The following GABBR2 variants were observed in gnomAD, a reference collection of about 807,000 sequenced individuals.
GABBR2 encodes G-protein coupled receptor 51.
A neutral mutation model predicts 105.6 loss-of-function variants in GABBR2; 23 were observed. The ratio of observed to expected loss-of-function variants is 0.22; its 90% confidence interval spans 0.16 to 0.31. The LOEUF (loss-of-function observed/expected upper bound fraction) is 0.31. Ranked by LOEUF, GABBR2 falls within the 10% of genes least tolerant of loss-of-function variation. The pLI is 1.00. For synonymous variants in GABBR2, 478 were observed against 499.7 expected (o/e 0.96, Z 0.58); for missense variants, 734 against 1,245.5 (o/e 0.59, Z 6.18).
chr9:98,578,684 G>A (rs1032278779), intron 1 of GABBR2, among the ~76,000 whole-genome samples: 6 of 152,164 alleles, frequency 3.9e-5, no homozygotes, highest in Non-Finnish European at 7.3e-5. Context: ...TATCATTCAT[G>A]ATAGCCAACA....
rs145553699 is a variant in GABBR2 at position 98,573,998 on chromosome 9, C to T, written c.459+3937G>A. Among the ~76,000 whole-genome samples, 503 of 152,044 alleles carry T rather than the reference C, an allele frequency of 3.3e-3. 1 individual carries two copies. The highest frequency in any genetic ancestry group is 6.8e-3 in the Middle Eastern group (2 of 294). ...AGAAATAATTAATTTACTTTTTGAG[C>T]GGGGAATGGGCGGCACTGAAGGAAA... On this transcript the variant is annotated intron_variant, in intron 2 of 18. Transcript: ENST00000259455.
chr9:98,324,374 G>A (rs1830880980), intron 13 of GABBR2, among the ~76,000 whole-genome samples: 1 of 152,286 alleles, frequency 6.6e-6, no homozygotes, highest in South Asian at 2.1e-4. Flanking sequence ...CTGGCCCCAG[G>A]ACTGTGACAT....
chr9:98,555,196 T>C (rs898947664), intron 2 of GABBR2, among the ~76,000 whole-genome samples: 3 of 152,228 alleles, frequency 2.0e-5, no homozygotes, highest in African/African-American at 7.2e-5. Context: ...CAGGGCCTTT[T>C]AATTTACAAA....
At chr9:98,614,252 G>A (rs1214909013) in intron 1 of GABBR2, among the ~76,000 whole-genome samples, 2 of 152,272 alleles carry the variant, frequency 1.3e-5, no homozygotes, top group Admixed American at 6.5e-5. Context: ...GGCTGGGCGC[G>A]GTGGCTCACG....
chr9:98,649,723 T>C (rs1303861230), intron 1 of GABBR2, among the ~76,000 whole-genome samples: 1 of 152,108 alleles, frequency 6.6e-6, no homozygotes, highest in Non-Finnish European at 1.5e-5. Context: ...GAAAAATAGG[T>C]ATAATGAATG....
chr9:98,504,515 A>G (rs928546567), intron 3 of GABBR2, among the ~76,000 whole-genome samples: 1 of 152,242 alleles, frequency 6.6e-6, no homozygotes, highest in Non-Finnish European at 1.5e-5. Flanking sequence ...CATGCACTTT[A>G]CAACTCTTTG....
intron 13 of GABBR2, among the ~76,000 whole-genome samples, chr9:98,319,849 C>A (rs1275522397): frequency 1.9e-4 from 29 of 152,190 alleles, no homozygotes; most frequent in Non-Finnish European, 4.3e-4. Flanking sequence ...TGCTCCTCCT[C>A]ACCTTCAGGA....
At chr9:98,695,640 C>G (rs1830740036) in intron 1 of GABBR2, among the ~76,000 whole-genome samples, 1 of 152,182 alleles carries the variant, frequency 6.6e-6, no homozygotes, top group African/African-American at 2.4e-5. Flanking sequence ...AACAGTAAAA[C>G]TTAGTATAAA....
At chr9:98,326,691 T>C (rs1830930382) in intron 13 of GABBR2, among the ~76,000 whole-genome samples, 1 of 152,160 alleles carries the variant, frequency 6.6e-6, no homozygotes, top group Admixed American at 6.5e-5. Context: ...TTTGTGTGAG[T>C]GAGGAATAAA....
chr9:98,369,656 T>C lies in GABBR2; in HGVS notation c.1770+1808A>G, dbSNP rs570736875. On this transcript the variant is annotated intron_variant, in intron 12 of 18. Coordinates refer to ENST00000259455, the MANE Select transcript of GABBR2 (RefSeq NM_005458.8). Reference sequence around the variant, plus strand: ...GTTGCTGTCTGCCACTGGTGCCAGGTAGCCAGGGAGCAAAATGCAGGCTTG... The same window carrying C: ...GTTGCTGTCTGCCACTGGTGCCAGGCAGCCAGGGAGCAAAATGCAGGCTTG... Among the ~76,000 whole-genome samples, 34 of 152,274 alleles carry C rather than the reference T, an allele frequency of 2.2e-4. 2 individuals carry two copies. The South Asian group carries it at 3.9e-3, about 18-fold the overall frequency.
chr9:98,569,676 G>A (rs865887519), intron 2 of GABBR2, among the ~76,000 whole-genome samples: 2 of 152,172 alleles, frequency 1.3e-5, no homozygotes, highest in Admixed American at 1.3e-4. Flanking sequence ...GCCCAGTGTC[G>A]CTGTTACTGT....
intron 1 of GABBR2, among the ~76,000 whole-genome samples, chr9:98,595,028 G>C (rs1446051606): frequency 6.6e-6 from 1 of 152,156 alleles, no homozygotes; most frequent in Non-Finnish European, 1.5e-5. Context: ...AGTCACCGCA[G>C]AGAATGGTGT....
At chr9:98,607,270 A>G in intron 1 of GABBR2, 3 of 1,070,220 alleles carry the variant, frequency 2.8e-6, no homozygotes, top group East Asian at 2.4e-5. Context: ...GCAGAATCGC[A>G]TGTGAACGGA....
At chr9:98,496,215 A>G in intron 4 of GABBR2, 198 bp downstream of exon 4, 1 of 592,254 alleles carries the variant, frequency 1.7e-6, no homozygotes, top group Non-Finnish European at 3.0e-6. Context: ...TGCAGCCAGC[A>G]CCTCTGGCCA....
Position 98,542,052 on chromosome 9 carries a change from C to T in GABBR2, c.460-9G>A, listed in dbSNP as rs1237856978. 2 of 1,613,236 alleles carry T rather than the reference C, an allele frequency of 1.2e-6. No individual in the cohort carries two copies. Among genetic ancestry groups the T allele is most frequent in the African/African-American group, 2.7e-5 (2 of 75,026 alleles). On this transcript the variant is annotated splice_polypyrimidine_tract_variant and intron_variant, in intron 2 of 18. Coordinates refer to ENST00000259455, the MANE Select transcript of GABBR2 (RefSeq NM_005458.8). ...GTTGCAGCAAAAGAAAGCTGAAAAACACAAAAGAGACAACGCTTTTTACTG... is the reference window on the plus strand; with the variant it reads ...GTTGCAGCAAAAGAAAGCTGAAAAATACAAAAGAGACAACGCTTTTTACTG...
chr9:98,640,236 C>G (rs933813833), intron 1 of GABBR2, among the ~76,000 whole-genome samples: 1 of 151,452 alleles, frequency 6.6e-6, no homozygotes, highest in African/African-American at 2.4e-5. Context: ...ATCTGCTGTA[C>G]CTATAGCACA....
chr9:98,648,187 A>G (rs567596543), intron 1 of GABBR2, among the ~76,000 whole-genome samples: 1 of 150,000 alleles, frequency 6.7e-6, no homozygotes, highest in Non-Finnish European at 1.5e-5. Flanking sequence ...GCTGGAGTAC[A>G]GTGGCGCGAT....
At chr9:98,345,447 C>T (rs990313789) in intron 13 of GABBR2, among the ~76,000 whole-genome samples, 2 of 152,194 alleles carry the variant, frequency 1.3e-5, no homozygotes, top group East Asian at 3.9e-4. Flanking sequence ...CTATTCAAAA[C>T]TATTTCATAG....
intron 1 of GABBR2, among the ~76,000 whole-genome samples, chr9:98,675,486 G>A (rs2131864822): frequency 6.6e-6 from 1 of 152,302 alleles, no homozygotes. Flanking sequence ...GGTTAGAGAT[G>A]ACGCCAAAGC....
Sources: gnomAD v4.1 joint callset for allele counts (sites outside exome capture counted in the v4.1 genomes callset) on GRCh38, gnomAD v4.1.1 for gene constraint, MANE v1.5 for transcripts, NCBI Gene and HGNC (gene_info 2026-07-23, HGNC 2026-07-21) for gene names.